The following PLEKHA5 variants were observed in gnomAD, a reference collection of about 807,000 sequenced individuals.
The protein encoded by PLEKHA5 is pleckstrin homology domain containing A5.
A neutral mutation model predicts 181.9 loss-of-function variants in PLEKHA5; 55 were observed. The observed-to-expected ratio is 0.30, with a 90% CI of 0.24 to 0.38. PLEKHA5 has a LOEUF of 0.38. PLEKHA5 is among the 10% of genes least tolerant of loss of function. The pLI is 1.00. For synonymous variants in PLEKHA5, 535 were observed against 529.4 expected, an observed-to-expected ratio of 1.01 and a Z score of -0.15; for missense variants, 1,432 against 1,549.5, an observed-to-expected ratio of 0.92 and a Z score of 1.27.
chr12:19,331,358 T>C (rs1487966135), intron 20 of PLEKHA5, among the ~76,000 whole-genome samples: 1 of 152,166 alleles, frequency 6.6e-6, no homozygotes, highest in Non-Finnish European at 1.5e-5. Flanking sequence ...TCATTGGTTT[T>C]GATTTTTTTT....
At chr12:19,153,769 T>G (rs2151349959) in intron 3 of PLEKHA5, 1 of 152,318 alleles carries the variant, frequency 6.6e-6, no homozygotes, top group East Asian at 1.9e-4. Context: ...GGTTTGTTGA[T>G]ACTTCATTTA....
chr12:19,366,484 C>T (rs915276105), intron 30 of PLEKHA5, among the ~76,000 whole-genome samples: 35 of 152,178 alleles, frequency 2.3e-4, no homozygotes, highest in South Asian at 1.0e-3. Flanking sequence ...GAAACCCCGT[C>T]TCTACTAAAA....
At position 19,358,271 on chromosome 12, in the gene PLEKHA5, G is replaced by A; in HGVS notation, c.3182G>A (p.Ser1061Asn). The A allele has an allele frequency of 6.2e-7, 1 of 1,613,978 alleles. No individual in the cohort carries two copies. Among genetic ancestry groups the A allele is most frequent in the Non-Finnish European group, 8.5e-7 (1 of 1,179,928 alleles). The change falls in exon 27 of 32, where the codon AGT becomes AAT. Residue 1061 changes from serine to asparagine, a missense_variant. Coordinates refer to ENST00000429027, the MANE Select transcript of PLEKHA5 (RefSeq NM_001256470.2). ...GTGGAACAGCTCTGTTTGGCTGAAA[G>A]TACTCGACCAAGGATGACTGTGGAA... ...SAVEQLCLAE[S>N]TRPRMTVEEQ...
In PLEKHA5 at chr12:19,283,563, C is replaced by T. The variant is rs752793236; in HGVS notation, c.1597C>T (p.Pro533Ser). Reference protein sequence around the residue: ...TLPRHSTLSSPKTMVNISDQT... With the variant: ...TLPRHSTLSSSKTMVNISDQT... ...CCCTCGACACAGTACTTTGAGTAGT[C>T]CCAAAACCATGGTAAATATTTCTGA... Residue 533 changes from proline to serine, a missense_variant, in exon 12 of 32, where the codon CCC becomes TCC. This residue lies in a region of PLEKHA5 where 1,143 missense variants were observed against 1,168.4 expected (regional missense o/e 0.98). Coordinates refer to ENST00000429027, the MANE Select transcript of PLEKHA5 (RefSeq NM_001256470.2). 20 of 1,614,130 alleles carry T rather than the reference C, an allele frequency of 1.2e-5. No homozygotes were observed. The highest frequency in any genetic ancestry group is 1.6e-5 in the Non-Finnish European group (19 of 1,180,012).
intron 3 of PLEKHA5, among the ~76,000 whole-genome samples, chr12:19,218,543 A>G (rs1383940813): frequency 1.3e-5 from 2 of 152,218 alleles, no homozygotes; most frequent in African/African-American, 2.4e-5. Context: ...AAGAGATAAG[A>G]ACATATTAGT....
At chr12:19,161,078 A>G (rs1238235075) in intron 3 of PLEKHA5, among the ~76,000 whole-genome samples, 1 of 152,214 alleles carries the variant, frequency 6.6e-6, no homozygotes, top group East Asian at 1.9e-4. Context: ...CTGAGTTTTT[A>G]GAAGTTCATG....
rs111838349 is a variant in PLEKHA5, at chr12:19,328,024, C to T, written c.2448+5357C>T. On this transcript the variant is annotated intron_variant, in intron 20 of 31. Transcript: ENST00000429027. ...TAATTTTTGTATATGGTGAAAGTAA[C>T]GGGTCAGTTTCATTCTTCTGCATAT... Among the ~76,000 whole-genome samples the T allele has an allele frequency of 3.9e-5, 6 of 152,278 alleles. 1 individual carries two copies. The highest frequency in any genetic ancestry group is 9.6e-5 in the African/African-American group (4 of 41,574).
rs866827236 is a variant in PLEKHA5 at position 19,200,620 on chromosome 12, T to C, written c.228-53320T>C. The C allele has an allele frequency of 5.7e-5, 64 of 1,121,176 alleles. No individual in the cohort carries two copies. The Middle Eastern group carries it at 2.7e-3, about 47-fold the overall frequency. 69.5% of individuals were successfully genotyped at this position (1,121,176 alleles called of 1,614,324 possible). ...ACTATCAGGCCTGAACTTCATTAGC[T>C]TTTTCTTCCTCTTCAATCCAAATCT... On this transcript the variant is annotated intron_variant, in intron 3 of 31. Transcript: ENST00000429027.
At chr12:19,316,430 G>A (rs373770753) in intron 16 of PLEKHA5, among the ~76,000 whole-genome samples, 2 of 150,298 alleles carry the variant, frequency 1.3e-5, no homozygotes, top group East Asian at 1.9e-4. Flanking sequence ...GAAGGGCTGA[G>A]GGGGGGGAAA....
chr12:19,218,323 C>T (rs367547013), intron 3 of PLEKHA5, among the ~76,000 whole-genome samples: 5 of 152,010 alleles, frequency 3.3e-5, no homozygotes, highest in Admixed American at 1.3e-4. Flanking sequence ...CATGAGAAAA[C>T]GGAGTTATTT....
At chr12:19,225,719 A>G (rs1480795367) in intron 3 of PLEKHA5, among the ~76,000 whole-genome samples, 1 of 152,230 alleles carries the variant, frequency 6.6e-6, no homozygotes, top group Non-Finnish European at 1.5e-5. Context: ...TTTGTGGTTT[A>G]GATCAGAATG....
chr12:19,165,432 A>G (rs1591882982), intron 3 of PLEKHA5, among the ~76,000 whole-genome samples: 3 of 142,640 alleles, frequency 2.1e-5, no homozygotes, highest in South Asian at 4.4e-4. Context: ...TTTTCTGTGT[A>G]CTCTATTTTT....
At chr12:19,337,048 C>T (rs1167614076) in intron 21 of PLEKHA5, among the ~76,000 whole-genome samples, 52 of 132,878 alleles carry the variant, frequency 3.9e-4, no homozygotes, top group African/African-American at 1.4e-3. Flanking sequence ...AGTGCAATGG[C>T]GCGATCTTGG....
At chr12:19,155,530 G>A (rs2041481999) in intron 3 of PLEKHA5, among the ~76,000 whole-genome samples, 1 of 152,082 alleles carries the variant, frequency 6.6e-6, no homozygotes. Flanking sequence ...AGGAATCATC[G>A]GTATTAGGGC....
At chr12:19,322,723 T>A in intron 20 of PLEKHA5, 56 bp downstream of exon 20, 11 of 1,250,718 alleles carry the variant, frequency 8.8e-6, no homozygotes, top group Non-Finnish European at 1.3e-5. Context: ...TAGTTCTATT[T>A]TCTTCTCTTT....
intron 15 of PLEKHA5, among the ~76,000 whole-genome samples, chr12:19,299,676 A>G (rs1258093795): frequency 1.3e-5 from 2 of 152,194 alleles, no homozygotes; most frequent in Admixed American, 1.3e-4. Context: ...AAGGGTTGTT[A>G]GGGATTAATT....
At chr12:19,222,675 GA>G (rs2059137332) in intron 3 of PLEKHA5, among the ~76,000 whole-genome samples, 1 of 152,108 alleles carries the variant, frequency 6.6e-6, no homozygotes, top group African/African-American at 2.4e-5. Context: ...AATGATTTTT[GA>G]AATGTCAGCA....
At chr12:19,278,420 A>G (rs2152761411) in intron 11 of PLEKHA5, among the ~76,000 whole-genome samples, 1 of 152,306 alleles carries the variant, frequency 6.6e-6, no homozygotes, top group East Asian at 1.9e-4. Context: ...GGTGTGTTTT[A>G]GATTGATAAT....
intron 15 of PLEKHA5, among the ~76,000 whole-genome samples, chr12:19,292,234 T>G (rs2078641839): frequency 6.6e-6 from 1 of 151,866 alleles, no homozygotes; most frequent in Admixed American, 6.6e-5. Flanking sequence ...GGAGAAACCC[T>G]GCCTCTACTA....
Sources: gnomAD v4.1 joint callset for allele counts (sites outside exome capture counted in the v4.1 genomes callset) on GRCh38, gnomAD v4.1.1 for gene constraint, gnomAD v4.1.1 regional missense constraint, MANE v1.5 for transcripts, NCBI Gene and HGNC (gene_info 2026-07-23, HGNC 2026-07-21) for gene names.